IGDCC3: variants seen among roughly 807,000 people sequenced by gnomAD.
IGDCC3 encodes the protein immunoglobulin superfamily DCC subclass member 3, also known as putative neuronal cell adhesion molecule.
IGDCC3 carries 47 observed loss-of-function variants against 72.0 expected under a neutral mutation model. The observed-to-expected ratio is 0.65, with a 90% confidence interval of 0.52 to 0.83. The LOEUF is 0.83. Ranked by LOEUF, IGDCC3 falls within the 40% of genes least tolerant of loss-of-function variation. The probability of loss-of-function intolerance (pLI) is 0.00; values close to 1 mark genes in which losing one functional copy is unlikely to be tolerated. For missense variants in IGDCC3, 1,038 were observed against 1,091.3 expected, an observed-to-expected ratio of 0.95 and a Z score of 0.69; for synonymous variants, 477 against 472.8, an observed-to-expected ratio of 1.01 and a Z score of -0.11.
intron 2 of IGDCC3, among the ~76,000 whole-genome samples, chr15:65,347,999 A>T (rs915136197): frequency 3.9e-5 from 6 of 152,172 alleles, no homozygotes; most frequent in Admixed American, 3.9e-4. Context: ...AGGTTGCAGT[A>T]AAGGAGCCGG....
chr15:65,367,960 A>G (rs2091298478), intron 2 of IGDCC3, among the ~76,000 whole-genome samples: 1 of 152,110 alleles, frequency 6.6e-6, no homozygotes, highest in Non-Finnish European at 1.5e-5. Flanking sequence ...CAACCAGGCT[A>G]TGGCCAGAGA....
intron 4 of IGDCC3, among the ~76,000 whole-genome samples, 155 bp from the exon 5 acceptor site, chr15:65,335,020 G>T (rs1051873165): frequency 6.6e-6 from 1 of 152,176 alleles, no homozygotes; most frequent in African/African-American, 2.4e-5. Context: ...GGACGTTCCA[G>T]ACATCCGTCC....
In IGDCC3 at chr15:65,335,877, A is replaced by C; in HGVS notation, c.489T>G (p.His163Gln). The C allele has an allele frequency of 6.2e-7, 1 of 1,614,180 alleles. No homozygotes were observed. Among genetic ancestry groups the C allele is most frequent in the Non-Finnish European group, 8.5e-7 (1 of 1,180,026 alleles). The change falls in exon 3 of 14, where the codon CAT becomes CAG. Residue 163 changes from histidine to glutamine, a missense_variant. Coordinates refer to ENST00000327987, the MANE Select transcript of IGDCC3 (RefSeq NM_004884.4). ...GGVARFQCQI[H>Q]GLPKPLITWE... The stretch of plus-strand genomic sequence containing the variant: ...AAGTGATCAGGGGTTTGGGAAGCCC[A>C]TGGATTTGGCACTGGAAGCGGGCCA...
intron 2 of IGDCC3, among the ~76,000 whole-genome samples, chr15:65,366,028 T>C (rs181787086): frequency 6.6e-6 from 1 of 151,914 alleles, no homozygotes; most frequent in African/African-American, 2.4e-5. Flanking sequence ...ACCAACATGG[T>C]GAAACCCAGT....
Position 65,329,136 on chromosome 15 carries a change from C to A in IGDCC3, c.2218G>T (p.Ala740Ser). 1 of 1,606,294 alleles carries A rather than the reference C, an allele frequency of 6.2e-7. No homozygotes were observed. The highest frequency in any genetic ancestry group is 8.5e-7 in the Non-Finnish European group (1 of 1,177,258). ...TGGGTCTCCTCACACGGAGCGGGGG[C>A]TGCAGGATCCTGCTGGGGAAAGAGC... The part of the protein sequence containing the change: ...PDPRPTQDPA[A>S]PAPCEETQLS... The change falls in exon 14 of 14, where the codon GCC becomes TCC. Residue 740 changes from alanine to serine, a missense_variant. Transcript: ENST00000327987. The surrounding 1 kb of genome is among the most constrained non-coding windows in gnomAD (Gnocchi z 4.1).
intron 9 of IGDCC3, 38 bp from the exon 10 acceptor site, chr15:65,330,779 G>T (rs1168491247): frequency 6.8e-7 from 1 of 1,465,342 alleles, no homozygotes; most frequent in Non-Finnish European, 9.3e-7. Context: ...TGAGGACCCA[G>T]TGGAAGCTCT....
intron 2 of IGDCC3, among the ~76,000 whole-genome samples, chr15:65,349,777 A>G (rs1328873443): frequency 6.6e-6 from 1 of 152,232 alleles, no homozygotes; most frequent in African/African-American, 2.4e-5. Flanking sequence ...TTCATGTCAT[A>G]GTAACTCAAA....
At chr15:65,370,263 T>C (rs2140171322) in intron 2 of IGDCC3, among the ~76,000 whole-genome samples, 1 of 152,096 alleles carries the variant, frequency 6.6e-6, no homozygotes, top group East Asian at 1.9e-4. Context: ...ACACCTGTAA[T>C]CCCAGCACTT....
intron 2 of IGDCC3, among the ~76,000 whole-genome samples, chr15:65,351,035 A>T (rs1289725054): frequency 6.6e-6 from 1 of 152,234 alleles, no homozygotes; most frequent in Non-Finnish European, 1.5e-5. Flanking sequence ...GTTTTAAGTA[A>T]GAAAAAAATC....
At chr15:65,359,915 C>T (rs1347634696) in intron 2 of IGDCC3, among the ~76,000 whole-genome samples, 1 of 152,164 alleles carries the variant, frequency 6.6e-6, no homozygotes, top group East Asian at 1.9e-4. Flanking sequence ...CCAATCCCAG[C>T]TGCTGAGTTA....
chr15:65,329,403 TCCGGCTGC>T lies in IGDCC3; in HGVS notation c.2184_2191del (p.Gln729ProfsTer14). The T allele has an allele frequency of 6.3e-7, 1 of 1,587,644 alleles. No individual in the cohort carries two copies. The highest frequency in any genetic ancestry group is 8.5e-7 in the Non-Finnish European group (1 of 1,170,862). ...ATGGGCACTCACTGTGGGTCTGGGG[TCCGGCTGC>T]CCTGCTGCGCTGGCCGGGGGGAACA... is the stretch of plus-strand genomic sequence containing the variant. On this transcript the variant is annotated frameshift_variant, in exon 13 of 14. Coordinates refer to ENST00000327987, the MANE Select transcript of IGDCC3 (RefSeq NM_004884.4). LOFTEE classifies it low-confidence loss of function (END_TRUNC). The surrounding 1 kb of genome is among the most constrained non-coding windows in gnomAD (Gnocchi z 4.1).
chr15:65,331,628 C>T lies in IGDCC3; in HGVS notation c.1180G>A (p.Asp394Asn). Residue 394 changes from aspartate to asparagine, a missense_variant, in exon 8 of 14, where the codon GAT (aspartate) becomes AAT (asparagine). Physicochemically the swap from Asp to Asn is conservative, Grantham distance 23. Coordinates refer to ENST00000327987, the MANE Select transcript of IGDCC3 (RefSeq NM_004884.4). ...GCCACACACTGATAAATGGCTTCAT[C>T]CTCAGGACCGATTCCAGAAATGGTC... ...TLTISGIGPE[D>N]EAIYQCVAEN... The T allele has an allele frequency of 6.2e-7, 1 of 1,610,598 alleles. No individual in the cohort carries two copies. Among genetic ancestry groups the T allele is most frequent in the African/African-American group, 1.3e-5 (1 of 74,972 alleles).
In IGDCC3 at chr15:65,329,132, G is replaced by A. The variant is rs1364439393; in HGVS notation, c.2222C>T (p.Pro741Leu). ...DPRPTQDPAAPAPCEETQLSV... is the reference protein window; with the variant it reads ...DPRPTQDPAALAPCEETQLSV... ...GAGCTGGGTCTCCTCACACGGAGCGGGGGCTGCAGGATCCTGCTGGGGAAA... is the reference window on the plus strand; with the variant it reads ...GAGCTGGGTCTCCTCACACGGAGCGAGGGCTGCAGGATCCTGCTGGGGAAA... Residue 741 changes from proline (P) to leucine (L), a missense_variant, in exon 14 of 14, where the codon CCC becomes CTC. Transcript: ENST00000327987. The surrounding 1 kb of genome is among the most constrained non-coding windows in gnomAD (Gnocchi z 4.1). 2 of 1,608,410 alleles carry A rather than the reference G, an allele frequency of 1.2e-6. No individual in the cohort carries two copies. The highest frequency in any genetic ancestry group is 1.3e-5 in the African/African-American group (1 of 74,914).
intron 5 of IGDCC3, 82 bp downstream of exon 5, chr15:65,334,646 A>G: frequency 1.7e-6 from 2 of 1,207,990 alleles, no homozygotes; most frequent in Non-Finnish European, 2.2e-6. Context: ...ATTCCCCTGG[A>G]GCTGGGTGAG....
At chr15:65,343,281 C>A (rs534517588) in intron 2 of IGDCC3, among the ~76,000 whole-genome samples, 4 of 152,074 alleles carry the variant, frequency 2.6e-5, no homozygotes, top group Non-Finnish European at 5.9e-5. Flanking sequence ...AAGAAATGGT[C>A]GTGTCTCTTC....
In IGDCC3 at chr15:65,334,121, C is replaced by T. The variant is rs547754982; in HGVS notation, c.823+607G>A. ...CTCCCTCCCCATCACTCAGCTGCTA[C>T]AATGTGGCACAGTCTCCCTGTGAAT... On this transcript the variant is annotated intron_variant, in intron 5 of 13. Transcript: ENST00000327987. Among the ~76,000 whole-genome samples the T allele has an allele frequency of 3.9e-5, 6 of 152,226 alleles. No homozygotes were observed. In the South Asian group the frequency reaches 1.2e-3, roughly 32 times the overall value.
chr15:65,367,434 G>C (rs987154105), intron 2 of IGDCC3, among the ~76,000 whole-genome samples: 1 of 151,296 alleles, frequency 6.6e-6, no homozygotes, highest in African/African-American at 2.4e-5. Flanking sequence ...GCTAAATGAC[G>C]AGTTAATGGG....
chr15:65,367,301 C>T (rs2091292900), intron 2 of IGDCC3, among the ~76,000 whole-genome samples: 1 of 143,358 alleles, frequency 7.0e-6, no homozygotes, highest in African/African-American at 2.6e-5. Context: ...GAGCCAAGAT[C>T]ACCCCACTGC....
In IGDCC3 at chr15:65,329,338, G is replaced by A; in HGVS notation, c.2205+52C>T. ...AGGTGAAGGGGGGCAGGATTGGAAG[G>A]TGGCAGTGTCAGAGCCTGAGGCGGG... On this transcript the variant is annotated intron_variant, in intron 13 of 13. Transcript: ENST00000327987. This position sits in a 1 kb window ranked among gnomAD's most constrained non-coding sequence, Gnocchi z 4.1. 4.6e-6 allele frequency: 7 copies of A among 1,531,908 alleles called. No homozygotes were observed. In the South Asian group the frequency reaches 4.8e-5, roughly 11 times the overall value. The allele number at this position is 1,531,908 out of a possible 1,614,324, so 94.9% of individuals were successfully genotyped here. A position where few individuals can be genotyped will look rare whatever the true frequency, so the allele number is the denominator to read the frequency against.
Sources: allele counts gnomAD v4.1 joint callset (sites outside exome capture counted in the v4.1 genomes callset), GRCh38; gene constraint gnomAD v4.1.1; non-coding constraint Gnocchi (gnomAD v3.1); transcripts MANE v1.5; gene names NCBI Gene and HGNC (gene_info 2026-07-23, HGNC 2026-07-21).